The following TMEM132D variants were observed in gnomAD, a reference collection of about 807,000 sequenced individuals.
The protein encoded by TMEM132D is mature OL transmembrane protein.
In TMEM132D, 21 loss-of-function variants were observed where a neutral mutation model predicts 62.3. The observed-to-expected ratio is 0.34, with a 90% CI of 0.24 to 0.49. TMEM132D has a LOEUF of 0.49. TMEM132D is among the 20% of genes least tolerant of loss of function. The probability of loss-of-function intolerance (pLI) is 0.99; values close to 1 mark genes in which losing one functional copy is unlikely to be tolerated. For synonymous variants in TMEM132D, 621 were observed against 575.6 expected, an observed-to-expected ratio of 1.08 and a Z score of -1.13; for missense variants, 1,346 against 1,402.8, an observed-to-expected ratio of 0.96 and a Z score of 0.65.
intron 4 of TMEM132D, among the ~76,000 whole-genome samples, chr12:129,295,007 G>C (rs981637988): frequency 1.3e-5 from 2 of 152,052 alleles, no homozygotes; most frequent in Non-Finnish European, 2.9e-5. Context: ...GTGTTTTTTT[G>C]ATGAGATGAA....
intron 5 of TMEM132D, among the ~76,000 whole-genome samples, chr12:129,185,968 TGA>T (rs1188253853): frequency 6.6e-6 from 1 of 152,228 alleles, no homozygotes; most frequent in African/African-American, 2.4e-5. Context: ...ACCTCTAGTT[TGA>T]GTTGCCAAAA....
chr12:129,699,629 A>G (rs1881324568), intron 2 of TMEM132D, among the ~76,000 whole-genome samples, 181 bp downstream of exon 2: 1 of 152,328 alleles, frequency 6.6e-6, no homozygotes, highest in Admixed American at 6.5e-5. Context: ...CTCACAACCC[A>G]ATTGCCAACC....
chr12:129,775,435 G>A (rs1013694990), intron 1 of TMEM132D, among the ~76,000 whole-genome samples: 2 of 152,110 alleles, frequency 1.3e-5, no homozygotes, highest in Non-Finnish European at 2.9e-5. Context: ...CTGTGCAGAG[G>A]CCCCTCTCAA....
intron 1 of TMEM132D, among the ~76,000 whole-genome samples, chr12:129,876,417 T>C (rs1054874704): frequency 3.9e-5 from 6 of 152,216 alleles, no homozygotes; most frequent in Non-Finnish European, 8.8e-5. Context: ...GCAGAAATGA[T>C]GGCTAAGGAT....
intron 5 of TMEM132D, among the ~76,000 whole-genome samples, chr12:129,192,724 G>A (rs528743692): frequency 1.1e-3 from 168 of 152,234 alleles, no homozygotes; most frequent in African/African-American, 3.7e-3. Flanking sequence ...GGCACAAATG[G>A]GGGGTTTGAA....
intron 2 of TMEM132D, among the ~76,000 whole-genome samples, chr12:129,621,758 T>C (rs1421934072): frequency 6.6e-6 from 1 of 152,194 alleles, no homozygotes; most frequent in African/African-American, 2.4e-5. Context: ...ACAAAGAGTC[T>C]GAGGCACAGA....
At chr12:129,122,134 T>C (rs929196908) in intron 5 of TMEM132D, among the ~76,000 whole-genome samples, 16 of 152,144 alleles carry the variant, frequency 1.1e-4, no homozygotes, top group Non-Finnish European at 1.9e-4. Context: ...GTCCCTAAGT[T>C]TAGATGGCTT....
At chr12:129,335,783 T>C (rs1207651466) in intron 4 of TMEM132D, among the ~76,000 whole-genome samples, 1 of 152,234 alleles carries the variant, frequency 6.6e-6, no homozygotes, top group Non-Finnish European at 1.5e-5. Context: ...AAAAAGTAGG[T>C]TTCTCAGCCT....
chr12:129,142,139 A>G lies in TMEM132D; in HGVS notation c.1444-57437T>C, dbSNP rs148630939. Among the ~76,000 whole-genome samples the G allele has an allele frequency of 6.1e-3, 926 of 152,218 alleles. 4 individuals carry two copies. Among genetic ancestry groups the G allele is most frequent in the Non-Finnish European group, 9.6e-3 (654 of 68,006 alleles). Reference sequence around the variant, plus strand: ...AAAGGTTGGCCATAAATAATGAATCACATATTCCCTTCCATGTGAGTATAC... The same window carrying G: ...AAAGGTTGGCCATAAATAATGAATCGCATATTCCCTTCCATGTGAGTATAC... On this transcript the variant is annotated intron_variant, in intron 5 of 8. Transcript: ENST00000422113.
chr12:129,297,519 T>C (rs1256388817), intron 4 of TMEM132D, among the ~76,000 whole-genome samples: 1 of 152,198 alleles, frequency 6.6e-6, no homozygotes. Flanking sequence ...CAGCAGCAGG[T>C]CAACGCCTCT....
chr12:129,152,703 C>T (rs1429251834), intron 5 of TMEM132D, among the ~76,000 whole-genome samples: 1 of 152,130 alleles, frequency 6.6e-6, no homozygotes, highest in Non-Finnish European at 1.5e-5. Context: ...TTTTGCTCTT[C>T]TGTAATTTAG....
At chr12:129,515,742 TCCAGTCTATTA>T in intron 3 of TMEM132D, among the ~76,000 whole-genome samples, 1 of 152,144 alleles carries the variant, frequency 6.6e-6, no homozygotes, top group East Asian at 1.9e-4. Context: ...CCAACCCCAT[TCCAGTCTATTA>T]CCAACGGACC....
intron 5 of TMEM132D, among the ~76,000 whole-genome samples, chr12:129,201,814 G>T (rs1878711413): frequency 6.6e-6 from 1 of 152,012 alleles, no homozygotes; most frequent in African/African-American, 2.4e-5. Flanking sequence ...GGAAGAGAGG[G>T]GATGTTCCGG....
chr12:129,895,184 G>A (rs1200661313), intron 1 of TMEM132D, among the ~76,000 whole-genome samples: 1 of 152,150 alleles, frequency 6.6e-6, no homozygotes, highest in Non-Finnish European at 1.5e-5. Flanking sequence ...CACCCCCCAG[G>A]TACACGTCAC....
chr12:129,326,581 C>T (rs1049983040), intron 4 of TMEM132D, among the ~76,000 whole-genome samples: 2 of 152,204 alleles, frequency 1.3e-5, no homozygotes, highest in Admixed American at 6.5e-5. Context: ...TTTACGGCTG[C>T]CTTCCGGCCC....
intron 4 of TMEM132D, among the ~76,000 whole-genome samples, chr12:129,312,958 T>C (rs1882016978): frequency 6.6e-6 from 1 of 152,182 alleles, no homozygotes; most frequent in Admixed American, 6.5e-5. Context: ...TGAATTCATG[T>C]CTGAGAACAA....
At chr12:129,707,353 A>G (rs904786716) in intron 1 of TMEM132D, among the ~76,000 whole-genome samples, 1 of 151,660 alleles carries the variant, frequency 6.6e-6, no homozygotes, top group African/African-American at 2.4e-5. Flanking sequence ...ATGCATTTAT[A>G]TAGTCTCTCA....
chr12:129,254,991 C>A (rs1411562552), intron 4 of TMEM132D, among the ~76,000 whole-genome samples: 1 of 152,106 alleles, frequency 6.6e-6, no homozygotes, highest in Non-Finnish European at 1.5e-5. Context: ...GGATCCTTCA[C>A]AAACGGTTTA....
intron 1 of TMEM132D, among the ~76,000 whole-genome samples, chr12:129,777,416 G>C (rs1361084035): frequency 6.6e-6 from 1 of 152,214 alleles, no homozygotes; most frequent in Non-Finnish European, 1.5e-5. Context: ...TTGCGAGCTA[G>C]ATTCAGGCTG....
Sources: gnomAD v4.1 joint callset for allele counts (sites outside exome capture counted in the v4.1 genomes callset) on GRCh38, gnomAD v4.1.1 for gene constraint, MANE v1.5 for transcripts, NCBI Gene and HGNC (gene_info 2026-07-23, HGNC 2026-07-21) for gene names.